Variants in ARHGAP42 observed in about 807,000 individuals in gnomAD.
The protein encoded by ARHGAP42 is Rho GTPase activating protein 42.
ARHGAP42 carries 63 observed loss-of-function variants against 125.0 expected under a neutral mutation model. The ratio of observed to expected loss-of-function variants is 0.50; its 90% CI spans 0.41 to 0.62. The LOEUF is 0.62. ARHGAP42 is among the 20% of genes least tolerant of loss of function. The pLI, the probability that ARHGAP42 is intolerant of heterozygous loss-of-function variation, is 0.00. For synonymous variants in ARHGAP42, 339 were observed against 351.0 expected, an observed-to-expected ratio of 0.97 and a Z score of 0.38; for missense variants, 766 against 1,024.2, an observed-to-expected ratio of 0.75 and a Z score of 3.44.
chr11:100,768,456 T>C (rs1287804325), intron 1 of ARHGAP42, among the ~76,000 whole-genome samples: 1 of 152,086 alleles, frequency 6.6e-6, no homozygotes, highest in Non-Finnish European at 1.5e-5. Flanking sequence ...CCAGCAAGGG[T>C]CAGGGACAAG....
At chr11:100,717,420 A>T (rs61910473) in intron 1 of ARHGAP42, among the ~76,000 whole-genome samples, 9,460 of 151,902 alleles carry the variant, frequency 0.062, 411 homozygotes, top group East Asian at 0.21. Context: ...GGCGGATCAC[A>T]AGGTCAGGAG....
intron 4 of ARHGAP42, among the ~76,000 whole-genome samples, chr11:100,865,806 T>C (rs1865555445): frequency 6.6e-6 from 1 of 152,166 alleles, no homozygotes; most frequent in Non-Finnish European, 1.5e-5. Flanking sequence ...CTTTAGTGAG[T>C]TGCATTCATT....
At chr11:100,943,198 A>G (rs1867927042) in intron 9 of ARHGAP42, among the ~76,000 whole-genome samples, 1 of 151,750 alleles carries the variant, frequency 6.6e-6, no homozygotes, top group African/African-American at 2.4e-5. Context: ...AACCATAATT[A>G]CTTTTGCACC....
At position 100,785,316 on chromosome 11, in the gene ARHGAP42, G is replaced by A. The variant is rs747734340; in HGVS notation, c.251-9789G>A. Among the ~76,000 whole-genome samples the A allele has an allele frequency of 1.3e-4, 20 of 152,288 alleles. No homozygotes were observed. In the East Asian group the frequency reaches 2.5e-3, roughly 19 times the overall value. On this transcript the variant is annotated intron_variant, in intron 2 of 23. Coordinates refer to ENST00000298815, the MANE Select transcript of ARHGAP42 (RefSeq NM_152432.4). ...ACAGAATCAGGAGGCCGGGCCATCT[G>A]GTAAGAGTGAGGGGAAGCCTGGGGC...
intron 3 of ARHGAP42, among the ~76,000 whole-genome samples, chr11:100,796,349 A>C (rs954605445): frequency 6.6e-6 from 1 of 152,228 alleles, no homozygotes; most frequent in East Asian, 1.9e-4. Flanking sequence ...CCATTCACCC[A>C]TCTCTCTTCC....
intron 1 of ARHGAP42, among the ~76,000 whole-genome samples, chr11:100,690,816 G>A (rs746754034): frequency 6.6e-6 from 1 of 152,042 alleles, no homozygotes; most frequent in Non-Finnish European, 1.5e-5. Context: ...TAGCCAGGAT[G>A]ATCTCGATCT....
chr11:100,821,351 G>A (rs779870522), intron 3 of ARHGAP42, among the ~76,000 whole-genome samples: 54 of 152,106 alleles, frequency 3.6e-4, no homozygotes, highest in Non-Finnish European at 6.9e-4. Context: ...TGGCTAGAGT[G>A]AGGCTTCTTT....
rs1861829642 is a variant in ARHGAP42, at chr11:100,725,002, A to T, written c.154+37170A>T. Reference sequence around the variant, plus strand: ...AACACTGCTTTTGTTACACCCCAAAATTTTTATAAGTTTTATTTTTATTTA... The same window carrying T: ...AACACTGCTTTTGTTACACCCCAAATTTTTTATAAGTTTTATTTTTATTTA... On this transcript the variant is annotated intron_variant, in intron 1 of 23. Transcript: ENST00000298815. Among the ~76,000 whole-genome samples, 3 of 147,452 alleles carry T rather than the reference A, an allele frequency of 2.0e-5. 1 individual carries two copies. The South Asian group carries it at 6.4e-4, about 31-fold the overall frequency.
chr11:100,916,874 CA>C (rs2135236987), intron 5 of ARHGAP42, among the ~76,000 whole-genome samples: 1 of 151,918 alleles, frequency 6.6e-6, no homozygotes, highest in East Asian at 1.9e-4. Flanking sequence ...GTAGTTTGAT[CA>C]AAAATGGAGT....
intron 1 of ARHGAP42, among the ~76,000 whole-genome samples, chr11:100,709,283 G>T (rs1021370247): frequency 6.6e-6 from 1 of 151,388 alleles, no homozygotes; most frequent in African/African-American, 2.4e-5. Flanking sequence ...CAAATGATCT[G>T]CCCGCCTTGG....
intron 3 of ARHGAP42, among the ~76,000 whole-genome samples, chr11:100,829,588 C>T (rs1384074978): frequency 1.3e-5 from 2 of 152,098 alleles, no homozygotes; most frequent in African/African-American, 2.4e-5. Context: ...TCCTCTGCCC[C>T]CTAGGGTGGC....
chr11:100,714,167 C>G (rs1444673235), intron 1 of ARHGAP42, among the ~76,000 whole-genome samples: 1 of 152,012 alleles, frequency 6.6e-6, no homozygotes, highest in South Asian at 2.1e-4. Flanking sequence ...TTGTGAAAAT[C>G]TTTTTAGCAG....
Position 100,791,652 on chromosome 11 carries a change from G to A in ARHGAP42, c.251-3453G>A, listed in dbSNP as rs140325038. 3.3e-3 allele frequency among the ~76,000 whole-genome samples: 499 copies of A among 150,684 alleles called. 3 individuals are homozygous for A. The highest frequency in any genetic ancestry group is 0.012 in the African/African-American group (475 of 41,060). On this transcript the variant is annotated intron_variant, in intron 2 of 23. Transcript: ENST00000298815. ...CTACAAAATTTAAAGACACCCAGTC[G>A]TAATTTTTTGAAGTCCTTTCCCTGA...
chr11:100,718,114 G>A (rs1029189794), intron 1 of ARHGAP42, among the ~76,000 whole-genome samples: 4 of 152,188 alleles, frequency 2.6e-5, no homozygotes, highest in African/African-American at 9.6e-5. Context: ...TCAGGTGTGT[G>A]TCTCTAGCAT....
At position 100,737,682 on chromosome 11, in the gene ARHGAP42, C is replaced by A. The variant is rs116815791; in HGVS notation, c.155-32661C>A. ...CCACAAGGTCCTGTGTCAGGCCCAG[C>A]AATTGCCCTTGAATAGATGCTGACT... is the stretch of plus-strand genomic sequence containing the variant. On this transcript the variant is annotated intron_variant, in intron 1 of 23. Transcript: ENST00000298815. Among the ~76,000 whole-genome samples, 513 of 152,316 alleles carry A rather than the reference C, an allele frequency of 3.4e-3. 2 individuals carry two copies. The highest frequency in any genetic ancestry group is 0.012 in the African/African-American group (483 of 41,564).
At chr11:100,875,073 G>GTCTCTCTC (rs143461552) in intron 4 of ARHGAP42, among the ~76,000 whole-genome samples, 45 of 110,490 alleles carry the variant, frequency 4.1e-4, no homozygotes, top group African/African-American at 8.6e-4. Context: ...CTAATCCACT[G>GTCTCTCTC]TCTCTCTCTC....
At chr11:100,694,091 CT>C (rs1861236955) in intron 1 of ARHGAP42, among the ~76,000 whole-genome samples, 2 of 152,176 alleles carry the variant, frequency 1.3e-5, no homozygotes, top group African/African-American at 4.8e-5. Flanking sequence ...GCCACCACCC[CT>C]GGCCAATTTT....
intron 3 of ARHGAP42, among the ~76,000 whole-genome samples, chr11:100,830,823 C>G (rs1243951035): frequency 2.6e-5 from 4 of 151,956 alleles, no homozygotes; most frequent in African/African-American, 9.7e-5. Context: ...CGGGCAAGGT[C>G]AATAGCCTGC....
chr11:100,989,365 C>G lies in ARHGAP42; in HGVS notation c.*564C>G, dbSNP rs1858771721. On this transcript the variant is annotated 3_prime_UTR_variant, in exon 24 of 24. Coordinates refer to ENST00000298815, the MANE Select transcript of ARHGAP42 (RefSeq NM_152432.4). ...TGTTTTCCAAGTAGATGATAATATTCAAAAGCAATAATGTATATGATATCT... is the reference window on the plus strand; with the variant it reads ...TGTTTTCCAAGTAGATGATAATATTGAAAAGCAATAATGTATATGATATCT... 1 of 369,846 alleles carries G rather than the reference C, an allele frequency of 2.7e-6. No individual in the cohort carries two copies. 22.9% of individuals were successfully genotyped at this position (369,846 alleles called of 1,614,324 possible). A position where few individuals can be genotyped will look rare whatever the true frequency, so the allele number is the denominator to read the frequency against.
Sources: gnomAD v4.1 joint callset for allele counts (sites outside exome capture counted in the v4.1 genomes callset) on GRCh38, gnomAD v4.1.1 for gene constraint, MANE v1.5 for transcripts, NCBI Gene and HGNC (gene_info 2026-07-23, HGNC 2026-07-21) for gene names.